MIAT: variants seen among roughly 807,000 people sequenced by gnomAD.
MIAT encodes the protein MI related novel mRNA.
chr22:26,676,212 T>G, exon 5 of MIAT: 1 of 394,562 alleles, frequency 2.5e-6, no homozygotes, highest in Non-Finnish European at 4.5e-6. Flanking sequence ...GTGGGGGGAC[T>G]GGTTCCATTC....
chr22:26,671,867 T>G, downstream of MIAT: 1 of 396,278 alleles, frequency 2.5e-6, no homozygotes, highest in East Asian at 3.6e-5. Flanking sequence ...GGAAGGCCCC[T>G]CAAACCTGGT....
exon 6 of MIAT, chr22:26,668,430 C>A: frequency 2.5e-6 from 1 of 398,836 alleles, no homozygotes; most frequent in Non-Finnish European, 4.4e-6. Context: ...CAGCCCACTA[C>A]TCCCTCCTCA....
At chr22:26,650,428 C>T (rs1337672530) in intron 2 of MIAT, 1 of 152,224 alleles carries the variant, frequency 6.6e-6, no homozygotes, top group Non-Finnish European at 1.5e-5. Flanking sequence ...TGTACCTATT[C>T]CAGATTTCTC....
At chr22:26,673,164 T>A, downstream of MIAT, 1 of 398,610 alleles carries the variant, frequency 2.5e-6, no homozygotes, top group East Asian at 3.6e-5. Flanking sequence ...CCTCAGGGGC[T>A]CACAGGGTTC....
At chr22:26,674,786 C>T (rs4822768) in exon 5 of MIAT, 240,354 of 398,406 alleles carry the variant, frequency 0.6, 73,844 homozygotes, top group East Asian at 0.81. Flanking sequence ...GAAGCTCACA[C>T]CTCCTATTCC....
At chr22:26,661,217 A>T (rs1476864346) in intron 2 of MIAT, among the ~76,000 whole-genome samples, 3 of 151,998 alleles carry the variant, frequency 2.0e-5, no homozygotes, top group African/African-American at 7.3e-5. Flanking sequence ...TTTCAAGAGG[A>T]TCCCTTCCCT....
At chr22:26,655,697 G>C (rs189574847) in intron 2 of MIAT, among the ~76,000 whole-genome samples, 1 of 152,162 alleles carries the variant, frequency 6.6e-6, no homozygotes, top group Non-Finnish European at 1.5e-5. Flanking sequence ...TCTGAAGGTC[G>C]CTGGAATGTT....
chr22:26,660,641 A>G (rs1279589867), intron 2 of MIAT: 2 of 152,030 alleles, frequency 1.3e-5, no homozygotes, highest in Non-Finnish European at 2.9e-5. Context: ...TCAGTTCCCT[A>G]TTGTTGGTCC....
At chr22:26,663,214 G>A (rs1044181825) in intron 2 of MIAT, 6 of 396,918 alleles carry the variant, frequency 1.5e-5, no homozygotes, top group African/African-American at 1.2e-4. Context: ...TCAGTTTTGG[G>A]AAACGCTGTG....
chr22:26,650,489 A>G (rs1930318503), intron 2 of MIAT: 1 of 152,224 alleles, frequency 6.6e-6, no homozygotes, highest in African/African-American at 2.4e-5. Context: ...CCTGGTACCA[A>G]TACCTCCTAA....
chr22:26,649,980 G>A (rs957755195), intron 2 of MIAT, among the ~76,000 whole-genome samples: 45 of 152,308 alleles, frequency 3.0e-4, no homozygotes, highest in African/African-American at 1.1e-3. Context: ...GGGTGTGTCC[G>A]ACAGTCTCCC....
rs112175111 is a variant in MIAT, at chr22:26,660,532, G to GT, written n.647-2782dup. Among the ~76,000 whole-genome samples the GT allele has an allele frequency of 4.0e-3, 610 of 151,198 alleles. 6 individuals carry two copies. Among genetic ancestry groups the GT allele is most frequent in the African/African-American group, 0.014 (590 of 41,224 alleles). Reference sequence around the variant, plus strand: ...ATTATATGTATAATGCTTTTGAAAAGTTACATCAGATGTGTTTCTCCATGT... The same window carrying GT: ...ATTATATGTATAATGCTTTTGAAAAGTTTACATCAGATGTGTTTCTCCATGT... On this transcript the variant is annotated intron_variant and non_coding_transcript_variant, in intron 2 of 5. Coordinates refer to ENST00000643270, the Ensembl canonical transcript of MIAT.
At chr22:26,658,155 C>CG (rs1244748260) in intron 2 of MIAT, 8 of 146,344 alleles carry the variant, frequency 5.5e-5, no homozygotes, top group Admixed American at 3.4e-4. Flanking sequence ...ACCCAACCCC[C>CG]CGAGCCTGCC....
chr22:26,676,126 G>C (rs1448629807), exon 5 of MIAT: 2 of 398,092 alleles, frequency 5.0e-6, no homozygotes, highest in African/African-American at 4.1e-5. Flanking sequence ...TTTCTTAATA[G>C]GTTGTGCTGT....
chr22:26,669,271 C>A, exon 6 of MIAT: 1 of 398,718 alleles, frequency 2.5e-6, no homozygotes, highest in Non-Finnish European at 4.4e-6. Flanking sequence ...GCTTGGGCTG[C>A]CACAGCACCA....
chr22:26,673,087 G>T, downstream of MIAT: 2 of 398,704 alleles, frequency 5.0e-6, no homozygotes, highest in Admixed American at 8.8e-5. Context: ...AGGGGTGTGG[G>T]GAGGGGAAGC....
chr22:26,671,774 A>G (rs1418885147), downstream of MIAT: 1 of 398,414 alleles, frequency 2.5e-6, no homozygotes, highest in Non-Finnish European at 4.4e-6. Context: ...CTGATACCTT[A>G]CAGGTTGCAG....
exon 4 of MIAT, chr22:26,666,832 C>T (rs2301524): frequency 0.16 from 64,979 of 398,842 alleles, 6,312 homozygotes; most frequent in East Asian, 0.4. Flanking sequence ...TTTTCTCCTG[C>T]GGTGTGGTTG....
At chr22:26,669,765 C>A (rs1930978603), downstream of MIAT, 1 of 398,882 alleles carries the variant, frequency 2.5e-6, no homozygotes, top group Admixed American at 4.4e-5. Context: ...TGGCAGGTAC[C>A]ATGCTGGGGT....
Sources: gnomAD v4.1 joint callset for allele counts (sites outside exome capture counted in the v4.1 genomes callset) on GRCh38, gnomAD v4.1.1 for gene constraint, MANE v1.5 for transcripts, NCBI Gene and HGNC (gene_info 2026-07-23, HGNC 2026-07-21) for gene names.